The following NAV2 variants were observed in gnomAD, a reference collection of about 807,000 sequenced individuals.
The protein encoded by NAV2 is neuron navigator 2, also known as helicase, APC down-regulated 1.
Under a neutral mutation model 223.2 loss-of-function variants are expected in NAV2, and 54 were observed. That is an observed-to-expected ratio of 0.24 (90% CI 0.19 to 0.30). The LOEUF is 0.30. Ranked by LOEUF, NAV2 falls within the 10% of genes least tolerant of loss-of-function variation. The pLI, the probability that NAV2 is intolerant of heterozygous loss-of-function variation, is 1.00. For synonymous variants in NAV2, 1,279 were observed against 1,239.3 expected (o/e 1.03, Z -0.67); for missense variants, 2,806 against 3,147.5 (o/e 0.89, Z 2.60).
intron 1 of NAV2, among the ~76,000 whole-genome samples, chr11:19,813,972 C>T (rs138111313): frequency 3.9e-5 from 6 of 152,266 alleles, no homozygotes; most frequent in African/African-American, 7.2e-5. Flanking sequence ...GCAGAGACCA[C>T]GAGCCCTCCA....
At chr11:19,815,473 T>C (rs918548077) in intron 1 of NAV2, among the ~76,000 whole-genome samples, 6 of 152,226 alleles carry the variant, frequency 3.9e-5, no homozygotes, top group African/African-American at 1.4e-4. Flanking sequence ...TTGTATGTGG[T>C]TCTGAAGTTG....
At chr11:19,912,374 A>AGTC (rs1331592743) in intron 6 of NAV2, among the ~76,000 whole-genome samples, 1 of 152,198 alleles carries the variant, frequency 6.6e-6, no homozygotes, top group Non-Finnish European at 1.5e-5. Context: ...TTCCACTTAA[A>AGTC]CACATTTGGA....
At chr11:19,923,812 G>C (rs916066936) in intron 6 of NAV2, among the ~76,000 whole-genome samples, 2 of 152,148 alleles carry the variant, frequency 1.3e-5, no homozygotes, top group African/African-American at 4.8e-5. Context: ...CTTTCTTATA[G>C]CCATATATGG....
chr11:20,080,245 C>T, intron 25 of NAV2, 36 bp downstream of exon 25: 3 of 1,594,506 alleles, frequency 1.9e-6, no homozygotes, highest in Non-Finnish European at 2.6e-6. Flanking sequence ...GACTGACGGA[C>T]AGAGTCAGTT....
intron 1 of NAV2, among the ~76,000 whole-genome samples, chr11:19,375,435 T>C (rs1211889418): frequency 6.6e-6 from 1 of 152,190 alleles, no homozygotes; most frequent in African/African-American, 2.4e-5. Context: ...CAAAATTCTT[T>C]GGGGTCCTAT....
chr11:19,724,138 G>T (rs2051024587), intron 1 of NAV2, among the ~76,000 whole-genome samples: 1 of 152,170 alleles, frequency 6.6e-6, no homozygotes, highest in Admixed American at 6.5e-5. Flanking sequence ...TTGTACAGAT[G>T]AAGAAACCAT....
rs767441261 is a variant in NAV2, at chr11:19,879,930, G to A, written c.573G>A (p.Lys191=). 3.1e-6 allele frequency: 5 copies of A among 1,606,576 alleles called. No homozygotes were observed. The East Asian group carries it at 1.1e-4, about 36-fold the overall frequency. Residue 191 remains lysine (K), a synonymous_variant, in exon 5 of 38, where the codon AAG becomes AAA. Transcript: ENST00000349880. The part of the protein sequence containing the change: ...LGLFFSLSRY[K]QQQQQPQKQH... ...TCTTCTTCAGCCTCTCCCGATACAA[G>A]CAGCAGCAGCAGCAGCCCCAGAAGC...
intron 1 of NAV2, among the ~76,000 whole-genome samples, chr11:19,653,717 C>G (rs1167587106): frequency 6.6e-6 from 1 of 152,186 alleles, no homozygotes; most frequent in East Asian, 1.9e-4. Context: ...TATATGAACA[C>G]ACTTGTAAGG....
intron 8 of NAV2, among the ~76,000 whole-genome samples, chr11:19,941,347 C>T (rs939715314): frequency 4.0e-5 from 6 of 151,586 alleles, no homozygotes; most frequent in East Asian, 3.9e-4. Flanking sequence ...TGGGGTTGGT[C>T]GCTAACAAAA....
intron 1 of NAV2, among the ~76,000 whole-genome samples, chr11:19,613,537 T>C (rs1255425608): frequency 1.3e-5 from 2 of 152,096 alleles, no homozygotes; most frequent in African/African-American, 4.8e-5. Flanking sequence ...AATCAGACTG[T>C]TGAAATGATG....
At chr11:19,416,062 C>T (rs13231478) in intron 1 of NAV2, among the ~76,000 whole-genome samples, 1 of 152,114 alleles carries the variant, frequency 6.6e-6, no homozygotes, top group East Asian at 1.9e-4. Flanking sequence ...TCTCACGACT[C>T]CTATTCAACA....
At chr11:19,763,775 G>GT (rs2152553077) in intron 1 of NAV2, among the ~76,000 whole-genome samples, 2 of 119,162 alleles carry the variant, frequency 1.7e-5, no homozygotes, top group East Asian at 2.0e-4. Flanking sequence ...TAGCGTTGTT[G>GT]TTTTTTTGTT....
At chr11:19,400,915 A>G (rs1261080238) in intron 1 of NAV2, among the ~76,000 whole-genome samples, 2 of 151,836 alleles carry the variant, frequency 1.3e-5, no homozygotes, top group Non-Finnish European at 2.9e-5. Context: ...TAATTGTGGC[A>G]ACTGGTAGGG....
intron 1 of NAV2, among the ~76,000 whole-genome samples, chr11:19,422,358 G>C (rs1315765041): frequency 6.6e-6 from 1 of 152,178 alleles, no homozygotes; most frequent in Non-Finnish European, 1.5e-5. Context: ...GTGATCCCAT[G>C]GAACAGTGAG....
intron 1 of NAV2, among the ~76,000 whole-genome samples, chr11:19,525,722 G>A (rs1033905001): frequency 4.6e-5 from 7 of 152,208 alleles, no homozygotes; most frequent in Non-Finnish European, 8.8e-5. Flanking sequence ...CTATCACATC[G>A]TGGAACAGTG....
chr11:19,542,889 C>T (rs2044378173), intron 1 of NAV2, among the ~76,000 whole-genome samples: 1 of 152,200 alleles, frequency 6.6e-6, no homozygotes. Flanking sequence ...CCCTCCCCTT[C>T]CTGGGTACCT....
chr11:20,109,668 A>G (rs534967205), intron 36 of NAV2, among the ~76,000 whole-genome samples: 1 of 152,332 alleles, frequency 6.6e-6, no homozygotes, highest in East Asian at 1.9e-4. Flanking sequence ...GCTGCTTAAG[A>G]AAAGTAAAGA....
chr11:19,464,407 G>T (rs892091511), intron 1 of NAV2, among the ~76,000 whole-genome samples: 16 of 152,216 alleles, frequency 1.1e-4, no homozygotes, highest in Middle Eastern at 6.8e-3. Context: ...AAGTGAGAGG[G>T]GATACAGGAT....
intron 1 of NAV2, among the ~76,000 whole-genome samples, chr11:19,619,330 A>G (rs573174859): frequency 0.028 from 4,189 of 152,138 alleles, 193 homozygotes; most frequent in African/African-American, 0.097. Flanking sequence ...TTGAGGAATC[A>G]CCACACTGAC....
Sources: allele counts gnomAD v4.1 joint callset (sites outside exome capture counted in the v4.1 genomes callset), GRCh38; gene constraint gnomAD v4.1.1; transcripts MANE v1.5; gene names NCBI Gene and HGNC (gene_info 2026-07-23, HGNC 2026-07-21).